Variants in KLHDC1 observed in about 807,000 individuals in gnomAD.
KLHDC1 encodes kelch domain containing 1, also known as kelch domain-containing protein 1.
A neutral mutation model predicts 68.3 loss-of-function variants in KLHDC1; 53 were observed. The ratio of observed to expected loss-of-function variants is 0.78; its 90% confidence interval spans 0.62 to 0.98. The LOEUF is 0.98. Ranked by LOEUF, KLHDC1 falls within the 50% of genes least tolerant of loss-of-function variation. The probability of loss-of-function intolerance (pLI) is 0.00; values close to 1 mark genes in which losing one functional copy is unlikely to be tolerated. For missense variants in KLHDC1, 470 were observed against 492.3 expected (o/e 0.95, Z 0.43); for synonymous variants, 148 against 159.0 (o/e 0.93, Z 0.52).
chr14:49,701,520 G>T lies in KLHDC1; in HGVS notation c.97-7639G>T, dbSNP rs528674693. 1.0e-3 allele frequency among the ~76,000 whole-genome samples: 153 copies of T among 152,096 alleles called. 1 individual carries two copies. The highest frequency in any genetic ancestry group is 3.6e-3 in the African/African-American group (148 of 41,508). On this transcript the variant is annotated intron_variant, in intron 1 of 12. Coordinates refer to ENST00000359332, the MANE Select transcript of KLHDC1 (RefSeq NM_172193.3). ...ACTAAAAATAGAAAAATAGCTGGTCGTGGTGGTGCATGCCTGTAATCCCAG... is the reference window on the plus strand; with the variant it reads ...ACTAAAAATAGAAAAATAGCTGGTCTTGGTGGTGCATGCCTGTAATCCCAG...
chr14:49,709,077 G>T, intron 1 of KLHDC1, 82 bp from the exon 2 acceptor site: 3 of 628,926 alleles, frequency 4.8e-6, no homozygotes, highest in Non-Finnish European at 5.6e-6. Context: ...TATTTTATTA[G>T]CAATTTTTCT....
intron 8 of KLHDC1, among the ~76,000 whole-genome samples, chr14:49,731,452 C>T (rs1312902585): frequency 6.6e-6 from 1 of 151,892 alleles, no homozygotes; most frequent in East Asian, 1.9e-4. Context: ...CTAACTTATG[C>T]TTTTTTATTT....
At chr14:49,707,272 ATGTGTGTGTGTG>A (rs749232051) in intron 1 of KLHDC1, among the ~76,000 whole-genome samples, 2 of 138,324 alleles carry the variant, frequency 1.4e-5, no homozygotes, top group East Asian at 2.1e-4. Flanking sequence ...TTCTATTTTT[ATGTGTGTGTGTG>A]TGTGTGTGTG....
chr14:49,739,452 G>A lies in KLHDC1; in HGVS notation c.897-646G>A, dbSNP rs79503702. ...TTTGTTATTAGCCATATGTAGCTGA[G>A]GGAGATGAGAGACTGAAAAACTAGG... is the stretch of plus-strand genomic sequence containing the variant. On this transcript the variant is annotated intron_variant, in intron 10 of 12. Transcript: ENST00000359332. Among the ~76,000 whole-genome samples, 874 of 152,260 alleles carry A rather than the reference G, an allele frequency of 5.7e-3. 6 individuals are homozygous for A. The highest frequency in any genetic ancestry group is 9.2e-3 in the Non-Finnish European group (625 of 68,014).
At chr14:49,738,427 A>G (rs1888983515) in intron 10 of KLHDC1, among the ~76,000 whole-genome samples, 1 of 150,806 alleles carries the variant, frequency 6.6e-6, no homozygotes, top group Non-Finnish European at 1.5e-5. Context: ...CATCACTGCA[A>G]CCTCCACCTC....
chr14:49,729,083 A>G, intron 7 of KLHDC1, 74 bp downstream of exon 7: 1 of 994,798 alleles, frequency 1.0e-6, no homozygotes, highest in Non-Finnish European at 1.6e-6. Flanking sequence ...GATTTCGTGG[A>G]ATAATTGAAC....
intron 8 of KLHDC1, among the ~76,000 whole-genome samples, chr14:49,730,115 G>A (rs956905740): frequency 6.6e-6 from 1 of 151,476 alleles, no homozygotes; most frequent in Non-Finnish European, 1.5e-5. Context: ...AAGACTGATC[G>A]ATAAGACTAC....
At chr14:49,732,464 C>T (rs752156014) in intron 8 of KLHDC1, among the ~76,000 whole-genome samples, 23 of 152,098 alleles carry the variant, frequency 1.5e-4, no homozygotes, top group Non-Finnish European at 3.1e-4. Context: ...TGAGCCACCG[C>T]GTCGGCTGAG....
At chr14:49,725,326 A>G (rs1888638575) in intron 5 of KLHDC1, among the ~76,000 whole-genome samples, 2 of 152,312 alleles carry the variant, frequency 1.3e-5, no homozygotes, top group African/African-American at 4.8e-5. Context: ...TATTACAGCA[A>G]AAATGAGGAG....
At chr14:49,729,892 T>TTTAACA (rs1888760991) in intron 8 of KLHDC1, among the ~76,000 whole-genome samples, 3 of 152,346 alleles carry the variant, frequency 2.0e-5, no homozygotes, top group Admixed American at 2.0e-4. Context: ...GCTCATAATA[T>TTTAACA]GTATTTAACA....
Position 49,740,172 on chromosome 14 carries a change from C to T in KLHDC1, c.971C>T (p.Ala324Val). 6.3e-7 allele frequency: 1 copy of T among 1,592,212 alleles called. No individual in the cohort carries two copies. Among genetic ancestry groups the T allele is most frequent in the Non-Finnish European group, 8.6e-7 (1 of 1,162,046 alleles). ...VFGGSKDDLL[A>V]LDTGHCNDLL... is the part of the protein sequence containing the mutation. ...GGTGGGAGCAAAGATGACTTACTTG[C>T]CTTGGATACAGTAAGAAAATCTTAT... The change falls in exon 11 of 13, where the codon GCC (alanine) becomes GTC (valine). Residue 324 changes from alanine to valine, a missense_variant. Physicochemically the swap from Ala to Val is moderately conservative, Grantham distance 64 (BLOSUM62 0). Coordinates refer to ENST00000359332, the MANE Select transcript of KLHDC1 (RefSeq NM_172193.3).
chr14:49,723,750 C>G (rs1013710799), intron 4 of KLHDC1, 124 bp from the exon 5 acceptor site: 1 of 600,590 alleles, frequency 1.7e-6, no homozygotes, highest in Non-Finnish European at 2.9e-6. Context: ...TCCCTCAGCT[C>G]TTTATTCTTT....
intron 4 of KLHDC1, among the ~76,000 whole-genome samples, chr14:49,722,809 G>A (rs1364230404): frequency 3.3e-5 from 5 of 152,146 alleles, no homozygotes; most frequent in African/African-American, 9.6e-5. Context: ...TCATATCAGC[G>A]GGTGCAGTGG....
chr14:49,705,083 T>A lies in KLHDC1; in HGVS notation c.97-4076T>A, dbSNP rs137988442. On this transcript the variant is annotated intron_variant, in intron 1 of 12. Coordinates refer to ENST00000359332, the MANE Select transcript of KLHDC1 (RefSeq NM_172193.3). ...TTAGAGAATAGGTTAGAGAAGTACA[T>A]TTAAGCTGATTCCCAAAAAAGGAGG... Among the ~76,000 whole-genome samples the A allele has an allele frequency of 3.0e-4, 45 of 152,244 alleles. No homozygotes were observed. The East Asian group carries it at 8.7e-3, about 29-fold the overall frequency.
At chr14:49,721,425 C>T (rs1048857126) in intron 4 of KLHDC1, among the ~76,000 whole-genome samples, 16 of 152,146 alleles carry the variant, frequency 1.1e-4, no homozygotes, top group African/African-American at 2.7e-4. Flanking sequence ...TCAAGCAATC[C>T]GCCTGCCTCA....
chr14:49,701,243 C>G (rs559795357), intron 1 of KLHDC1, among the ~76,000 whole-genome samples: 23 of 152,080 alleles, frequency 1.5e-4, no homozygotes, highest in African/African-American at 5.3e-4. Flanking sequence ...ATTCTTGGTG[C>G]CTTAGGATTG....
At chr14:49,694,810 C>T (rs1391677706) in intron 1 of KLHDC1, among the ~76,000 whole-genome samples, 9 of 152,102 alleles carry the variant, frequency 5.9e-5, no homozygotes, top group Non-Finnish European at 1.2e-4. Context: ...GCCAAGATTG[C>T]GCCATTGCAT....
At chr14:49,742,728 G>A (rs1381143595) in intron 11 of KLHDC1, among the ~76,000 whole-genome samples, 2 of 150,138 alleles carry the variant, frequency 1.3e-5, no homozygotes, top group African/African-American at 4.9e-5. Context: ...ACCTGGAAAA[G>A]GAGGACAAGG....
intron 1 of KLHDC1, among the ~76,000 whole-genome samples, chr14:49,703,531 C>A (rs1174115229): frequency 1.3e-5 from 2 of 151,972 alleles, no homozygotes; most frequent in Non-Finnish European, 2.9e-5. Flanking sequence ...GTAGTAGAAA[C>A]GGGGTTTCAC....
Sources: gnomAD v4.1 joint callset for allele counts (sites outside exome capture counted in the v4.1 genomes callset) on GRCh38, gnomAD v4.1.1 for gene constraint, MANE v1.5 for transcripts, NCBI Gene and HGNC (gene_info 2026-07-23, HGNC 2026-07-21) for gene names.